DNAH14: variants seen among roughly 807,000 people sequenced by gnomAD.
DNAH14 encodes the protein axonemal beta dynein heavy chain 14.
Under a neutral mutation model 520.9 loss-of-function variants are expected in DNAH14, and 478 were observed. That is an observed-to-expected ratio of 0.92 (90% CI 0.85 to 0.99). DNAH14 has a LOEUF of 0.99. DNAH14 is among the 50% of genes least tolerant of loss of function. The pLI, the probability that DNAH14 is intolerant of heterozygous loss-of-function variation, is 0.00. For synonymous variants in DNAH14, 1,581 were observed against 1,757.2 expected (o/e 0.90, Z 2.51); for missense variants, 4,831 against 5,234.5 (o/e 0.92, Z 2.38).
intron 50 of DNAH14, 118 bp from the exon 51 acceptor site, chr1:225,271,788 A>G: frequency 2.5e-6 from 2 of 793,150 alleles, no homozygotes; most frequent in South Asian, 2.0e-5. Context: ...TAATTTTAAC[A>G]TTTAATGAAA....
rs535769096 is a variant in DNAH14 at position 225,218,175 on chromosome 1, G to C, written c.6439+10955G>C. ...GAAGGAAGCACTAAATATGGAAAGG[G>C]AAAACTAGTACCAGCCACTCCAAAA... On this transcript the variant is annotated intron_variant, in intron 41 of 85. Coordinates refer to ENST00000682510, the MANE Select transcript of DNAH14 (RefSeq NM_001367479.1). Among the ~76,000 whole-genome samples, 29 of 152,162 alleles carry C rather than the reference G, an allele frequency of 1.9e-4. 1 individual carries two copies. Among genetic ancestry groups the C allele is most frequent in the African/African-American group, 7.0e-4 (29 of 41,528 alleles).
chr1:225,169,930 ACT>A (rs937168319), intron 36 of DNAH14, among the ~76,000 whole-genome samples: 11 of 152,172 alleles, frequency 7.2e-5, no homozygotes, highest in Admixed American at 2.6e-4. Flanking sequence ...CTTGGCAGAA[ACT>A]CTACAAGCCA....
intron 17 of DNAH14, among the ~76,000 whole-genome samples, chr1:225,075,902 A>G (rs1307037553): frequency 6.6e-6 from 1 of 152,042 alleles, no homozygotes; most frequent in African/African-American, 2.4e-5. Context: ...AAAGCCCTTT[A>G]CTAGTCAGCC....
intron 28 of DNAH14, among the ~76,000 whole-genome samples, chr1:225,141,308 G>A (rs562937175): frequency 6.6e-6 from 1 of 151,874 alleles, no homozygotes; most frequent in Non-Finnish European, 1.5e-5. Flanking sequence ...GAATGTGAGT[G>A]TATTTTTCTA....
chr1:225,218,865 A>G (rs1254292939), intron 41 of DNAH14, among the ~76,000 whole-genome samples: 2 of 152,214 alleles, frequency 1.3e-5, no homozygotes, highest in African/African-American at 4.8e-5. Flanking sequence ...CATTCTTCTC[A>G]GCACCACATC....
chr1:225,107,749 A>C (rs1480328738), intron 23 of DNAH14, among the ~76,000 whole-genome samples: 1 of 152,276 alleles, frequency 6.6e-6, no homozygotes, highest in African/African-American at 2.4e-5. Flanking sequence ...ACTAATTTAC[A>C]TTCCCACAAA....
At chr1:225,089,158 A>G (rs1198396689) in intron 21 of DNAH14, among the ~76,000 whole-genome samples, 2 of 152,144 alleles carry the variant, frequency 1.3e-5, no homozygotes, top group Non-Finnish European at 2.9e-5. Flanking sequence ...ATTATAAGAA[A>G]ACAGGCTGGG....
intron 45 of DNAH14, among the ~76,000 whole-genome samples, 153 bp from the exon 46 acceptor site, chr1:225,258,968 C>G (rs1000079531): frequency 2.0e-5 from 3 of 152,104 alleles, no homozygotes; most frequent in African/African-American, 7.2e-5. Flanking sequence ...CCTCATTTAA[C>G]CACTCTTAAC....
chr1:225,297,163 A>G (rs1167329189), intron 55 of DNAH14, among the ~76,000 whole-genome samples: 2 of 151,898 alleles, frequency 1.3e-5, no homozygotes, highest in Non-Finnish European at 2.9e-5. Context: ...AGAAGCTCTC[A>G]ATTGTATATA....
At chr1:225,141,071 T>A (rs2079410819) in intron 28 of DNAH14, 50 bp downstream of exon 28, 1 of 1,438,672 alleles carries the variant, frequency 7.0e-7, no homozygotes, top group African/African-American at 1.4e-5. Context: ...CCCAAATATA[T>A]CTTTAGGTAA....
rs577156526 is a variant in DNAH14, at chr1:225,359,474, C to G, written c.11776+822C>G. ...TTTTTTTGTTTTTCTTGTCTTTGCA[C>G]TACAGATCCGAAGTAAAATATTTTC... On this transcript the variant is annotated intron_variant, in intron 74 of 85. Transcript: ENST00000682510. Among the ~76,000 whole-genome samples, 90 of 152,258 alleles carry G rather than the reference C, an allele frequency of 5.9e-4. 1 individual carries two copies. Among genetic ancestry groups the G allele is most frequent in the African/African-American group, 2.0e-3 (85 of 41,548 alleles).
At chr1:225,163,005 G>A (rs1196634820) in intron 35 of DNAH14, among the ~76,000 whole-genome samples, 1 of 151,914 alleles carries the variant, frequency 6.6e-6, no homozygotes, top group Non-Finnish European at 1.5e-5. Flanking sequence ...GGGCGTGGTG[G>A]CACATGCCTG....
chr1:224,990,342 C>A (rs1486431699), intron 8 of DNAH14, among the ~76,000 whole-genome samples: 1 of 152,110 alleles, frequency 6.6e-6, no homozygotes, highest in Admixed American at 6.6e-5. Flanking sequence ...TTACTCTTAG[C>A]ACTTTTGAAA....
chr1:224,989,845 T>A (rs954016733), intron 8 of DNAH14, among the ~76,000 whole-genome samples: 5 of 152,170 alleles, frequency 3.3e-5, no homozygotes, highest in Non-Finnish European at 7.4e-5. Context: ...TTTTGCCTGT[T>A]AATAATGGTA....
intron 60 of DNAH14, among the ~76,000 whole-genome samples, chr1:225,316,771 G>A (rs1178626229): frequency 2.0e-5 from 3 of 152,174 alleles, no homozygotes; most frequent in South Asian, 2.1e-4. Flanking sequence ...CTCGCTGGGA[G>A]CTGCAGACCA....
At chr1:225,127,203 T>A (rs1447235034) in intron 27 of DNAH14, among the ~76,000 whole-genome samples, 3 of 149,832 alleles carry the variant, frequency 2.0e-5, no homozygotes, top group African/African-American at 4.9e-5. Context: ...GGGTGGAGAG[T>A]TCTGTAGATG....
At chr1:225,039,795 A>G (rs61849767) in intron 12 of DNAH14, among the ~76,000 whole-genome samples, 113,408 of 133,460 alleles carry the variant, frequency 0.85, 51,460 homozygotes, top group Non-Finnish European at 1. Flanking sequence ...GGAGAATGGC[A>G]TGAACCCGGG....
chr1:225,158,281 C>T (rs1238840206), intron 34 of DNAH14, among the ~76,000 whole-genome samples: 1 of 151,940 alleles, frequency 6.6e-6, no homozygotes, highest in African/African-American at 2.4e-5. Context: ...TAACAGAAAA[C>T]TCAATTTGGC....
At chr1:225,155,933 C>CA (rs1472454048) in intron 34 of DNAH14, among the ~76,000 whole-genome samples, 2 of 152,032 alleles carry the variant, frequency 1.3e-5, no homozygotes, top group African/African-American at 4.8e-5. Flanking sequence ...AGTGAACAAC[C>CA]AAAAAATTAA....
Sources: allele counts gnomAD v4.1 joint callset (sites outside exome capture counted in the v4.1 genomes callset), GRCh38; gene constraint gnomAD v4.1.1; transcripts MANE v1.5; gene names NCBI Gene and HGNC (gene_info 2026-07-23, HGNC 2026-07-21).